Variants in BRINP3 observed in about 807,000 individuals in gnomAD.
BRINP3 encodes the protein BMP/retinoic acid inducible neural specific 3, also known as BMP/retinoic acid-inducible neural-specific protein 3.
Under a neutral mutation model 71.0 loss-of-function variants are expected in BRINP3, and 19 were observed. The observed-to-expected ratio is 0.27, with a 90% CI of 0.19 to 0.39. The LOEUF is 0.39. Among genes scored for constraint, BRINP3 ranks in the 10% least tolerant of loss-of-function variants. The probability of loss-of-function intolerance (pLI) is 1.00; values close to 1 mark genes in which losing one functional copy is unlikely to be tolerated. For synonymous variants in BRINP3, 380 were observed against 337.7 expected, an observed-to-expected ratio of 1.13 and a Z score of -1.37; for missense variants, 959 against 940.8, an observed-to-expected ratio of 1.02 and a Z score of -0.25.
At chr1:190,423,321 A>T (rs1346028534) in intron 2 of BRINP3, among the ~76,000 whole-genome samples, 2 of 151,902 alleles carry the variant, frequency 1.3e-5, no homozygotes, top group East Asian at 1.9e-4. Flanking sequence ...TATTTAAAAA[A>T]ATCACCACAC....
chr1:190,333,894 G>T (rs1039036925), intron 2 of BRINP3, among the ~76,000 whole-genome samples: 7 of 151,754 alleles, frequency 4.6e-5, no homozygotes, highest in African/African-American at 1.7e-4. Flanking sequence ...TAATTTACTT[G>T]CTCACTCTAC....
intron 7 of BRINP3, among the ~76,000 whole-genome samples, chr1:190,152,817 T>C (rs754647623): frequency 1.1e-4 from 16 of 152,084 alleles, no homozygotes; most frequent in Non-Finnish European, 1.9e-4. Context: ...AATGCCCAAA[T>C]TAGTGACTGG....
intron 2 of BRINP3, among the ~76,000 whole-genome samples, chr1:190,355,179 C>T (rs941864973): frequency 6.6e-6 from 1 of 151,776 alleles, no homozygotes; most frequent in African/African-American, 2.4e-5. Context: ...TTCTAAAGAA[C>T]TATAAACTAT....
At chr1:190,185,151 C>A (rs1653400679) in intron 6 of BRINP3, among the ~76,000 whole-genome samples, 1 of 151,966 alleles carries the variant, frequency 6.6e-6, no homozygotes, top group African/African-American at 2.4e-5. Context: ...AGGAAATAAT[C>A]AACAGACTGA....
At chr1:190,295,444 A>G (rs1664176966) in intron 2 of BRINP3, among the ~76,000 whole-genome samples, 1 of 151,838 alleles carries the variant, frequency 6.6e-6, no homozygotes, top group East Asian at 2.0e-4. Flanking sequence ...CACAACTTAC[A>G]TGATGCTAGG....
chr1:190,351,651 C>T (rs1051277233), intron 2 of BRINP3, among the ~76,000 whole-genome samples: 1 of 152,022 alleles, frequency 6.6e-6, no homozygotes, highest in Non-Finnish European at 1.5e-5. Context: ...AGCATCTATA[C>T]AAGAAACAAT....
chr1:190,265,109 T>C (rs77612267), intron 3 of BRINP3, 54 bp from the exon 4 acceptor site: 1 of 1,478,382 alleles, frequency 6.8e-7, no homozygotes, highest in African/African-American at 1.5e-5. Context: ...TCTTTTTTTT[T>C]AACTTATCTG....
chr1:190,382,298 T>C (rs1019586659), intron 2 of BRINP3, among the ~76,000 whole-genome samples: 7 of 152,276 alleles, frequency 4.6e-5, no homozygotes, highest in African/African-American at 1.4e-4. Flanking sequence ...CATCCTTCTT[T>C]GTCACACAAC....
chr1:190,242,861 C>CA (rs1659241981), intron 4 of BRINP3, among the ~76,000 whole-genome samples: 1 of 151,948 alleles, frequency 6.6e-6, no homozygotes, highest in East Asian at 1.9e-4. Flanking sequence ...GAGAATAATA[C>CA]AAAAAACAAA....
At chr1:190,319,800 T>C (rs1467505781) in intron 2 of BRINP3, among the ~76,000 whole-genome samples, 4 of 152,006 alleles carry the variant, frequency 2.6e-5, no homozygotes, top group African/African-American at 4.8e-5. Context: ...ACCTCCAGCA[T>C]TGGGGATTAC....
chr1:190,227,533 A>G (rs2102707515), intron 5 of BRINP3, among the ~76,000 whole-genome samples: 1 of 151,980 alleles, frequency 6.6e-6, no homozygotes, highest in South Asian at 2.1e-4. Context: ...TATATTTAAG[A>G]AAAATAAAAG....
intron 6 of BRINP3, among the ~76,000 whole-genome samples, chr1:190,181,222 A>AT (rs1426921491): frequency 6.6e-6 from 1 of 152,070 alleles, no homozygotes; most frequent in Non-Finnish European, 1.5e-5. Flanking sequence ...CATCAAAGTT[A>AT]TTGTCTGTAC....
chr1:190,121,361 T>A (rs1302687908), intron 7 of BRINP3, among the ~76,000 whole-genome samples: 1 of 152,064 alleles, frequency 6.6e-6, no homozygotes, highest in African/African-American at 2.4e-5. Flanking sequence ...ATGATAGAAC[T>A]AAAAGCACAA....
At chr1:190,181,811 G>T (rs1380507153) in intron 6 of BRINP3, among the ~76,000 whole-genome samples, 1 of 151,794 alleles carries the variant, frequency 6.6e-6, no homozygotes, top group Non-Finnish European at 1.5e-5. Flanking sequence ...AATGAAAGTT[G>T]ATTTTATTTA....
At chr1:190,113,510 A>G (rs1229682815) in intron 7 of BRINP3, among the ~76,000 whole-genome samples, 1 of 152,222 alleles carries the variant, frequency 6.6e-6, no homozygotes, top group Non-Finnish European at 1.5e-5. Context: ...AATTATGCTA[A>G]TTAGTTAAAC....
chr1:190,270,421 A>G (rs1346752483), intron 3 of BRINP3, among the ~76,000 whole-genome samples: 2 of 151,690 alleles, frequency 1.3e-5, no homozygotes, highest in Non-Finnish European at 3.0e-5. Flanking sequence ...TACTAATTGT[A>G]TATCATGTTT....
intron 2 of BRINP3, among the ~76,000 whole-genome samples, chr1:190,451,136 A>G (rs750111271): frequency 3.9e-5 from 6 of 152,154 alleles, no homozygotes; most frequent in Admixed American, 1.3e-4. Context: ...CATTTTCCCA[A>G]TAATTCACTT....
chr1:190,310,720 A>G (rs948477515), intron 2 of BRINP3, among the ~76,000 whole-genome samples: 1 of 151,646 alleles, frequency 6.6e-6, no homozygotes, highest in Non-Finnish European at 1.5e-5. Flanking sequence ...TTATATATTC[A>G]TAGAACAGTT....
chr1:190,309,911 T>C (rs1665397198), intron 2 of BRINP3, among the ~76,000 whole-genome samples: 1 of 151,736 alleles, frequency 6.6e-6, no homozygotes, highest in African/African-American at 2.4e-5. Flanking sequence ...TAATCTAATT[T>C]ATTTTATTTT....
Sources: allele counts gnomAD v4.1 joint callset (sites outside exome capture counted in the v4.1 genomes callset), GRCh38; gene constraint gnomAD v4.1.1; transcripts MANE v1.5; gene names NCBI Gene and HGNC (gene_info 2026-07-23, HGNC 2026-07-21).